Variants in CEP162 observed in about 807,000 individuals in gnomAD.
CEP162 encodes the protein centrosomal protein 162.
In CEP162, 141 loss-of-function variants were observed where a neutral mutation model predicts 169.2. That is an observed-to-expected ratio of 0.83 (90% CI 0.73 to 0.96). The LOEUF (loss-of-function observed/expected upper bound fraction) is 0.96. Ranked by LOEUF, CEP162 falls within the 40% of genes least tolerant of loss-of-function variation. The probability of loss-of-function intolerance (pLI) is 0.00; values close to 1 mark genes in which losing one functional copy is unlikely to be tolerated. For synonymous variants in CEP162, 540 were observed against 526.4 expected, an observed-to-expected ratio of 1.03 and a Z score of -0.35; for missense variants, 1,600 against 1,587.2, an observed-to-expected ratio of 1.01 and a Z score of -0.14.
intron 25 of CEP162, among the ~76,000 whole-genome samples, chr6:84,126,834 T>C (rs1258869454): frequency 6.6e-6 from 1 of 152,180 alleles, no homozygotes; most frequent in East Asian, 1.9e-4. Flanking sequence ...GTTAGTAAGA[T>C]GGTTACTTTC....
Position 84,169,423 on chromosome 6 carries a change from G to T in CEP162, c.2290C>A (p.His764Asn). 6.4e-7 allele frequency: 1 copy of T among 1,559,554 alleles called. No homozygotes were observed. The highest frequency in any genetic ancestry group is 8.7e-7 in the Non-Finnish European group (1 of 1,149,832). The change falls in exon 18 of 27, where the codon CAC (histidine) becomes AAC (asparagine). Residue 764 changes from histidine to asparagine, a missense_variant. By Grantham distance (68) the His-to-Asn change is moderately conservative. Coordinates refer to ENST00000403245, the MANE Select transcript of CEP162 (RefSeq NM_014895.4). ...ACTTGAGACAGAAAACGACTTTTGT[G>T]CATCTGTTCTCTAATTTATTTTGAA... ...SEVASLKEQM[H>N]KSRFLSQVVE...
rs35312098 is a variant in CEP162, at chr6:84,134,919, TACACACACACAC to T, written c.3871-8419_3871-8408del. ...TATACTGTCATGAAAAGATCATATA[TACACACACACAC>T]ACACACACACACACACACACACACA... On this transcript the variant is annotated intron_variant, in intron 25 of 26. Coordinates refer to ENST00000403245, the MANE Select transcript of CEP162 (RefSeq NM_014895.4). Among the ~76,000 whole-genome samples, 19 of 148,370 alleles carry T rather than the reference TACACACACACAC, an allele frequency of 1.3e-4. No homozygotes were observed. The South Asian group carries it at 1.5e-3, about 12-fold the overall frequency.
intron 25 of CEP162, among the ~76,000 whole-genome samples, chr6:84,134,814 C>CA (rs1466614155): frequency 6.6e-6 from 1 of 151,998 alleles, no homozygotes; most frequent in Non-Finnish European, 1.5e-5. Flanking sequence ...GCCTCCCCCC[C>CA]ACAGATTAAA....
intron 25 of CEP162, among the ~76,000 whole-genome samples, chr6:84,135,261 T>C (rs949549076): frequency 1.3e-5 from 2 of 152,190 alleles, no homozygotes; most frequent in African/African-American, 2.4e-5. Flanking sequence ...CATAAAAGCA[T>C]ATATTCTTTA....
At chr6:84,198,418 C>T (rs1421185648) in intron 9 of CEP162, among the ~76,000 whole-genome samples, 1 of 152,130 alleles carries the variant, frequency 6.6e-6, no homozygotes, top group Admixed American at 6.6e-5. Context: ...GCTACAATTA[C>T]AGGCATGTGC....
Position 84,152,760 on chromosome 6 carries a change from A to T in CEP162, c.3414T>A (p.Asp1138Glu). The T allele has an allele frequency of 6.2e-7, 1 of 1,613,448 alleles. No homozygotes were observed. Residue 1138 changes from aspartate to glutamate, a missense_variant, in exon 23 of 27, where the codon GAT becomes GAA. Coordinates refer to ENST00000403245, the MANE Select transcript of CEP162 (RefSeq NM_014895.4). ...CATTTCCTTTACTTGAGTGCAAAAC[A>T]TCTTTCTTTGCCCTTTTGGCAGACA... is the stretch of plus-strand genomic sequence containing the variant. ...EEMSAKRAKKDVLHSSKGNAN... is the reference protein window; with the variant it reads ...EEMSAKRAKKEVLHSSKGNAN...
chr6:84,161,573 T>G (rs1338864742), intron 20 of CEP162, among the ~76,000 whole-genome samples, 173 bp downstream of exon 20: 2 of 152,146 alleles, frequency 1.3e-5, no homozygotes, highest in Non-Finnish European at 2.9e-5. Flanking sequence ...GAGCTTATAT[T>G]TATTCTCAGT....
intron 25 of CEP162, among the ~76,000 whole-genome samples, chr6:84,132,186 T>G (rs2099511849): frequency 6.6e-6 from 1 of 152,254 alleles, no homozygotes; most frequent in Non-Finnish European, 1.5e-5. Context: ...CTCTTCTGGC[T>G]TGTAGAGTTT....
chr6:84,225,817 TTTAAG>T (rs2099555492), intron 2 of CEP162, among the ~76,000 whole-genome samples: 1 of 152,066 alleles, frequency 6.6e-6, no homozygotes, highest in African/African-American at 2.4e-5. Flanking sequence ...AGTGGTGATA[TTTAAG>T]TTAAGATTTT....
chr6:84,128,031 C>A (rs956052399), intron 25 of CEP162, among the ~76,000 whole-genome samples: 1 of 152,178 alleles, frequency 6.6e-6, no homozygotes, highest in Admixed American at 6.6e-5. Context: ...CTGTCTGACT[C>A]CTCACATAAA....
In CEP162 at chr6:84,226,334, T is replaced by A. The variant is rs777732381; in HGVS notation, c.57+3A>T. ...AATATAGCTTTTAAAAATATAAACT[T>A]ACCTCTTTCATAAACTGTTCAAACT... On this transcript the variant is annotated splice_donor_region_variant and intron_variant, in intron 2 of 26. Transcript: ENST00000403245. 3.9e-6 allele frequency: 6 copies of A among 1,542,454 alleles called. No individual in the cohort carries two copies. Among genetic ancestry groups the A allele is most frequent in the Non-Finnish European group, 4.4e-6 (5 of 1,135,434 alleles).
chr6:84,224,606 CTA>C (rs2099554990), intron 2 of CEP162, among the ~76,000 whole-genome samples: 1 of 152,074 alleles, frequency 6.6e-6, no homozygotes, highest in South Asian at 2.1e-4. Context: ...GATATATAAA[CTA>C]TGTCTTTGAA....
chr6:84,152,192 T>C (rs545391389), intron 23 of CEP162, among the ~76,000 whole-genome samples: 1 of 152,346 alleles, frequency 6.6e-6, no homozygotes, highest in East Asian at 1.9e-4. Context: ...AACTGTTTTC[T>C]GAAAGCAATC....
At chr6:84,183,389 C>T (rs375272849) in intron 13 of CEP162, among the ~76,000 whole-genome samples, 1 of 152,038 alleles carries the variant, frequency 6.6e-6, no homozygotes, top group Non-Finnish European at 1.5e-5. Context: ...CCTTGAACTC[C>T]TTTCCATCTC....
At chr6:84,214,584 A>G (rs192852473) in intron 5 of CEP162, among the ~76,000 whole-genome samples, 1 of 152,220 alleles carries the variant, frequency 6.6e-6, no homozygotes, top group Admixed American at 6.5e-5. Flanking sequence ...CACTGTCTAT[A>G]AAAAACTAAC....
chr6:84,145,610 A>T (rs2099518502), intron 25 of CEP162, among the ~76,000 whole-genome samples: 1 of 151,940 alleles, frequency 6.6e-6, no homozygotes, highest in Non-Finnish European at 1.5e-5. Flanking sequence ...TCTGGTCTAG[A>T]TCTCTGTCTA....
intron 13 of CEP162, among the ~76,000 whole-genome samples, chr6:84,178,903 A>T (rs1237091784): frequency 5.9e-5 from 9 of 152,122 alleles, no homozygotes; most frequent in Admixed American, 3.3e-4. Flanking sequence ...GAGTGAGAAC[A>T]TGCAGTGTTT....
chr6:84,173,386 T>C (rs1231355699), intron 16 of CEP162, among the ~76,000 whole-genome samples: 5 of 152,182 alleles, frequency 3.3e-5, no homozygotes, highest in Admixed American at 2.0e-4. Context: ...TGAAGTTACA[T>C]CCTGATAAGC....
chr6:84,163,357 C>G, intron 18 of CEP162, 87 bp from the exon 19 acceptor site: 2 of 953,556 alleles, frequency 2.1e-6, no homozygotes, highest in Non-Finnish European at 3.1e-6. Context: ...ATCATGAACA[C>G]TACGGCAAAA....
Sources: allele counts gnomAD v4.1 joint callset (sites outside exome capture counted in the v4.1 genomes callset), GRCh38; gene constraint gnomAD v4.1.1; transcripts MANE v1.5; gene names NCBI Gene and HGNC (gene_info 2026-07-23, HGNC 2026-07-21).